MLIP: variants seen among roughly 807,000 people sequenced by gnomAD.
MLIP encodes muscular LMNA interacting protein.
Under a neutral mutation model 84.8 loss-of-function variants are expected in MLIP, and 79 were observed. That is an observed-to-expected ratio of 0.93 (90% CI 0.78 to 1.12). MLIP has a LOEUF of 1.12. Ranked by LOEUF, MLIP falls within the 50% of genes most tolerant of loss-of-function variation. The probability of loss-of-function intolerance (pLI) is 0.00; values close to 1 mark genes in which losing one functional copy is unlikely to be tolerated. For missense variants in MLIP, 1,257 were observed against 1,160.6 expected (o/e 1.08, Z -1.21); for synonymous variants, 504 against 463.0 (o/e 1.09, Z -1.14).
chr6:54,138,147 G>C lies in MLIP; in HGVS notation c.2078G>C (p.Gly693Ala). The change falls in exon 4 of 14, where the codon GGG becomes GCG. Residue 693 changes from glycine (G) to alanine (A), a missense_variant. By Grantham distance (60) the Gly-to-Ala change is moderately conservative (BLOSUM62 0). Transcript: ENST00000502396. Reference sequence around the variant, plus strand: ...AGTGGTACCTTGCCTTCAAGACTTGGGAAATCTGAAAGCACCACCCCCAAC... The same window carrying C: ...AGTGGTACCTTGCCTTCAAGACTTGCGAAATCTGAAAGCACCACCCCCAAC... ...CGSGTLPSRL[G>A]KSESTTPNHR... is the part of the protein sequence containing the mutation. 1.3e-6 allele frequency: 2 copies of C among 1,536,016 alleles called. No individual in the cohort carries two copies. The highest frequency in any genetic ancestry group is 1.7e-6 in the Non-Finnish European group (2 of 1,146,868).
intron 12 of MLIP, among the ~76,000 whole-genome samples, chr6:54,233,339 C>A (rs143036939): frequency 2.6e-5 from 4 of 151,972 alleles, no homozygotes; most frequent in Non-Finnish European, 5.9e-5. Flanking sequence ...GCCCCCCACC[C>A]CCCAACAGGC....
intron 1 of MLIP, among the ~76,000 whole-genome samples, chr6:54,084,904 C>T (rs1017553545): frequency 2.0e-5 from 3 of 152,108 alleles, no homozygotes; most frequent in South Asian, 2.1e-4. Context: ...TTGTATATGT[C>T]GAGACTTGAA....
At chr6:54,187,486 A>G (rs1777507653) in intron 9 of MLIP, among the ~76,000 whole-genome samples, 1 of 152,226 alleles carries the variant, frequency 6.6e-6, no homozygotes, top group Non-Finnish European at 1.5e-5. Context: ...AGATATTATA[A>G]GATAAGCTTT....
chr6:54,033,500 C>T (rs530504894), intron 1 of MLIP, among the ~76,000 whole-genome samples: 11 of 152,102 alleles, frequency 7.2e-5, no homozygotes, highest in African/African-American at 2.2e-4. Context: ...CTCCTGGCTT[C>T]GTAATCCACC....
At chr6:54,050,852 C>T (rs1043163216) in intron 1 of MLIP, among the ~76,000 whole-genome samples, 4 of 152,144 alleles carry the variant, frequency 2.6e-5, no homozygotes, top group African/African-American at 9.7e-5. Context: ...TGATATTCTT[C>T]ACCTAACACT....
chr6:54,223,962 G>A (rs1780398513), intron 11 of MLIP, among the ~76,000 whole-genome samples: 1 of 151,438 alleles, frequency 6.6e-6, no homozygotes, highest in Admixed American at 6.6e-5. Flanking sequence ...AATGCTAAAT[G>A]AATAAGAAGA....
At chr6:54,050,737 A>T (rs916594700) in intron 1 of MLIP, among the ~76,000 whole-genome samples, 15 of 152,078 alleles carry the variant, frequency 9.9e-5, no homozygotes, top group African/African-American at 3.6e-4. Flanking sequence ...AAATGAGTGC[A>T]GTTTTTGTAT....
intron 12 of MLIP, among the ~76,000 whole-genome samples, chr6:54,250,192 T>C (rs2150865748): frequency 6.6e-6 from 1 of 152,028 alleles, no homozygotes; most frequent in East Asian, 1.9e-4. Flanking sequence ...ATGGGTATTA[T>C]TAAAAAGTCA....
chr6:54,033,080 T>C (rs1169982596), intron 1 of MLIP, among the ~76,000 whole-genome samples: 1 of 152,172 alleles, frequency 6.6e-6, no homozygotes, highest in East Asian at 1.9e-4. Flanking sequence ...AACATCAGAA[T>C]TGAAAACCAA....
chr6:54,231,420 C>T (rs113900556), intron 12 of MLIP, among the ~76,000 whole-genome samples: 16 of 151,826 alleles, frequency 1.1e-4, no homozygotes, highest in Non-Finnish European at 1.8e-4. Flanking sequence ...TATAGTAACG[C>T]GATGTGTAAA....
At chr6:54,128,267 A>C (rs1771092166) in intron 3 of MLIP, among the ~76,000 whole-genome samples, 1 of 152,136 alleles carries the variant, frequency 6.6e-6, no homozygotes, top group African/African-American at 2.4e-5. Flanking sequence ...TCCTGGACAT[A>C]GGAGAGAGAA....
chr6:54,164,775 T>C (rs1385660067), intron 8 of MLIP, among the ~76,000 whole-genome samples: 1 of 151,940 alleles, frequency 6.6e-6, no homozygotes, highest in Non-Finnish European at 1.5e-5. Flanking sequence ...TCCATATTAT[T>C]GCATGGATCA....
rs1774547701 is a variant in MLIP, at chr6:54,160,738, A to G, written c.2440-2A>G. 13 of 1,568,196 alleles carry G rather than the reference A, an allele frequency of 8.3e-6. No individual in the cohort carries two copies. The highest frequency in any genetic ancestry group is 1.1e-5 in the Non-Finnish European group (12 of 1,142,792). On this transcript the variant is annotated splice_acceptor_variant, in intron 7 of 13. Coordinates refer to ENST00000502396, the MANE Select transcript of MLIP (RefSeq NM_001281747.2). LOFTEE classifies it high-confidence loss of function. ...TCTTTCCTTCCTTTCTTTTTTTTTC[A>G]GCATTCTTCTGATTCTCCTTCAAGG...
intron 5 of MLIP, among the ~76,000 whole-genome samples, chr6:54,159,522 C>A (rs1774393844): frequency 6.6e-6 from 1 of 152,018 alleles, no homozygotes; most frequent in Admixed American, 6.6e-5. Flanking sequence ...AGAGTCAACG[C>A]TTGCAAGAAA....
intron 12 of MLIP, among the ~76,000 whole-genome samples, chr6:54,253,052 G>T (rs955569814): frequency 2.0e-5 from 3 of 152,030 alleles, no homozygotes; most frequent in Non-Finnish European, 4.4e-5. Flanking sequence ...TATTCATTCA[G>T]TGTCTACTCT....
rs553526046 is a variant in MLIP, at chr6:54,148,150, G to T, written c.2218-906G>T. On this transcript the variant is annotated intron_variant, in intron 4 of 13. Coordinates refer to ENST00000502396, the MANE Select transcript of MLIP (RefSeq NM_001281747.2). ...CTTTTGAAGACACTAAGATAGCCTG[G>T]AGCTCTGTGCCAATTTCCTCACTGG... Among the ~76,000 whole-genome samples the T allele has an allele frequency of 5.9e-5, 9 of 152,228 alleles. No individual in the cohort carries two copies. The South Asian group carries it at 1.5e-3, about 25-fold the overall frequency.
At chr6:54,231,047 G>T (rs1043431203) in intron 12 of MLIP, 130 bp downstream of exon 12, 11 of 664,778 alleles carry the variant, frequency 1.7e-5, no homozygotes, top group East Asian at 1.4e-4. Context: ...AATGTATAAA[G>T]AATATTAAAT....
chr6:54,159,238 G>T (rs1468529434), intron 5 of MLIP, among the ~76,000 whole-genome samples: 1 of 151,916 alleles, frequency 6.6e-6, no homozygotes, highest in Non-Finnish European at 1.5e-5. Context: ...ATCAATCTAG[G>T]CTTAGGGTAG....
In MLIP at chr6:54,136,980, A is replaced by G. The variant is rs1010000595; in HGVS notation, c.911A>G (p.Gln304Arg). 81 of 1,535,956 alleles carry G rather than the reference A, an allele frequency of 5.3e-5. No homozygotes were observed. The East Asian group carries it at 2.0e-3, about 38-fold the overall frequency. The change falls in exon 4 of 14, where the codon CAA (glutamine) becomes CGA (arginine). Residue 304 changes from glutamine (Q) to arginine (R), a missense_variant. Physicochemically the swap from Gln to Arg is conservative, Grantham distance 43. Coordinates refer to ENST00000502396, the MANE Select transcript of MLIP (RefSeq NM_001281747.2). ...SSTLLFPHST[Q>R]LSGSNLPSST... The stretch of plus-strand genomic sequence containing the variant: ...ACGTTACTGTTTCCCCATTCCACTC[A>G]ACTATCAGGTTCTAATTTACCCAGT...
Sources: allele counts gnomAD v4.1 joint callset (sites outside exome capture counted in the v4.1 genomes callset), GRCh38; gene constraint gnomAD v4.1.1; transcripts MANE v1.5; gene names NCBI Gene and HGNC (gene_info 2026-07-23, HGNC 2026-07-21).